Variants in ZNF721 observed in about 807,000 individuals in gnomAD.
ZNF721 encodes zinc finger protein 721.
A neutral mutation model predicts 2.4 loss-of-function variants in ZNF721; 2 were observed. The observed-to-expected ratio is 0.82, with a 90% CI of 0.34 to 2.58. ZNF721 has a LOEUF of 2.58. Among genes scored for constraint, ZNF721 ranks in the 30% most tolerant of loss-of-function variants. ZNF721 has a pLI of 0.11. For synonymous variants in ZNF721, 398 were observed against 381.8 expected (o/e 1.04, Z -0.50); for missense variants, 1,187 against 1,085.5 (o/e 1.09, Z -1.31).
At chr4:445,641 A>G (rs1660298197) in intron 2 of ZNF721, among the ~76,000 whole-genome samples, 1 of 152,224 alleles carries the variant, frequency 6.6e-6, no homozygotes, top group South Asian at 2.1e-4. Context: ...TGTAATCAGA[A>G]AAATCAGAAC....
At chr4:467,716 G>A (rs2108708294) in intron 2 of ZNF721, among the ~76,000 whole-genome samples, 1 of 152,330 alleles carries the variant, frequency 6.6e-6, no homozygotes, top group South Asian at 2.1e-4. Flanking sequence ...GACCCTGGAG[G>A]CAGGCCTGCA....
At chr4:495,823 T>G (rs1716138327) in intron 1 of ZNF721, among the ~76,000 whole-genome samples, 2 of 152,104 alleles carry the variant, frequency 1.3e-5, no homozygotes, top group Admixed American at 1.3e-4. Flanking sequence ...AGGATGGTCT[T>G]GATCTCTTGA....
chr4:475,044 G>C lies in ZNF721; in HGVS notation c.-93-2343C>G, dbSNP rs555896716. Among the ~76,000 whole-genome samples, 25 of 150,870 alleles carry C rather than the reference G, an allele frequency of 1.7e-4. No individual in the cohort carries two copies. In the East Asian group the frequency reaches 4.7e-3, roughly 29 times the overall value. On this transcript the variant is annotated intron_variant, in intron 1 of 2. Transcript: ENST00000511833. ...TCTATTCAAAATACAAAAATTAGCC[G>C]GGCGTGGTGGGGGGCGCCTGTAGTC... is the stretch of plus-strand genomic sequence containing the variant.
intron 2 of ZNF721, among the ~76,000 whole-genome samples, chr4:456,088 T>C (rs1181476041): frequency 3.3e-5 from 5 of 151,882 alleles, no homozygotes; most frequent in Admixed American, 3.3e-4. Context: ...ATTTATTTAT[T>C]GAGATGGAGT....
intron 2 of ZNF721, among the ~76,000 whole-genome samples, chr4:454,880 A>G (rs1007114676): frequency 1.3e-5 from 2 of 152,194 alleles, no homozygotes; most frequent in Non-Finnish European, 2.9e-5. Context: ...AATTGCAAAA[A>G]CAAGTTGATC....
At chr4:466,732 A>G (rs1715265251) in intron 2 of ZNF721, among the ~76,000 whole-genome samples, 1 of 152,210 alleles carries the variant, frequency 6.6e-6, no homozygotes, top group Non-Finnish European at 1.5e-5. Flanking sequence ...GAGAGTACCA[A>G]AGGCAATGGT....
At chr4:487,697 G>A (rs1377167431) in intron 1 of ZNF721, among the ~76,000 whole-genome samples, 1 of 152,092 alleles carries the variant, frequency 6.6e-6, no homozygotes, top group Non-Finnish European at 1.5e-5. Flanking sequence ...GTTTTAAGAT[G>A]GTATTGACTT....
At chr4:477,752 G>A (rs1329117274) in intron 1 of ZNF721, among the ~76,000 whole-genome samples, 2 of 152,102 alleles carry the variant, frequency 1.3e-5, no homozygotes, top group Admixed American at 6.5e-5. Context: ...GAGAGGAGGG[G>A]AAATACCTAT....
intron 2 of ZNF721, among the ~76,000 whole-genome samples, chr4:464,468 CAAAA>C (rs57645783): frequency 1.3e-5 from 1 of 78,028 alleles, no homozygotes; most frequent in Non-Finnish European, 2.6e-5. Flanking sequence ...GACTCCACCT[CAAAA>C]AAAAAAAAAA....
At position 498,222 on chromosome 4, in the gene ZNF721, A is replaced by G. The variant is rs1444228022; in HGVS notation, c.-94+834T>C. 6.6e-5 allele frequency among the ~76,000 whole-genome samples: 9 copies of G among 136,406 alleles called. No homozygotes were observed. The East Asian group carries it at 1.4e-3, about 21-fold the overall frequency. 89.5% of individuals were successfully genotyped at this position (136,406 alleles called of 152,430 possible). ...TTCATCTGAAAAGAAAAAGAAAAAA[A>G]AAAAAAAAAAAAAAAAAAGAAGGAC... On this transcript the variant is annotated intron_variant, in intron 1 of 2. Transcript: ENST00000511833.
chr4:446,153 T>C (rs1576952761), intron 2 of ZNF721, among the ~76,000 whole-genome samples: 1 of 104,306 alleles, frequency 9.6e-6, no homozygotes, highest in African/African-American at 2.6e-5. Flanking sequence ...AAACCAAACA[T>C]AATCATACGA....
chr4:495,882 G>C (rs1484650776), intron 1 of ZNF721, among the ~76,000 whole-genome samples: 1 of 152,106 alleles, frequency 6.6e-6, no homozygotes, highest in Non-Finnish European at 1.5e-5. Context: ...GATTACAGGC[G>C]TGAGCCACTG....
At chr4:495,532 T>G (rs1435836689) in intron 1 of ZNF721, among the ~76,000 whole-genome samples, 1 of 150,264 alleles carries the variant, frequency 6.7e-6, no homozygotes, top group Non-Finnish European at 1.5e-5. Flanking sequence ...ATAAATTGAG[T>G]GTGAGATCTC....
At position 466,626 on chromosome 4, in the gene ZNF721, A is replaced by G. The variant is rs543775108; in HGVS notation, c.34+5949T>C. ...TTCTTAAAATAGTTCCTGTTTCTGTAGAAATTTCATTTGTAGATTAAACTG... is the reference window on the plus strand; with the variant it reads ...TTCTTAAAATAGTTCCTGTTTCTGTGGAAATTTCATTTGTAGATTAAACTG... On this transcript the variant is annotated intron_variant, in intron 2 of 2. Transcript: ENST00000511833. Among the ~76,000 whole-genome samples, 5 of 152,350 alleles carry G rather than the reference A, an allele frequency of 3.3e-5. No homozygotes were observed. The East Asian group carries it at 9.6e-4, about 29-fold the overall frequency.
At chr4:465,251 G>A (rs570487617) in intron 2 of ZNF721, among the ~76,000 whole-genome samples, 1 of 152,236 alleles carries the variant, frequency 6.6e-6, no homozygotes, top group African/African-American at 2.4e-5. Context: ...GCTGGACCTG[G>A]TGGCGTGTAC....
chr4:462,209 G>C (rs1435561787), intron 2 of ZNF721, among the ~76,000 whole-genome samples: 2 of 152,120 alleles, frequency 1.3e-5, no homozygotes, highest in Non-Finnish European at 2.9e-5. Context: ...GGATGTAAAA[G>C]ACCTCTTCAA....
In ZNF721 at chr4:444,349, C is replaced by T. The variant is rs978701307; in HGVS notation, c.118G>A (p.Glu40Lys). The change falls in exon 3 of 3, where the codon GAG becomes AAG. Residue 40 changes from glutamate (E) to lysine (K), a missense_variant. By Grantham distance (56) the Glu-to-Lys change is moderately conservative. Coordinates refer to ENST00000511833, the MANE Select transcript of ZNF721 (RefSeq NM_133474.4). ...SFHKLILRRY[E>K]KCGHDNLQLR... ...TGTAAATTATCATGCCCACATTTCT[C>T]ATATCTTCTCAGTATAAGTTTGTGG... 1 of 1,614,038 alleles carries T rather than the reference C, an allele frequency of 6.2e-7. No homozygotes were observed.
At chr4:486,892 T>C (rs782006648) in intron 1 of ZNF721, among the ~76,000 whole-genome samples, 7 of 152,170 alleles carry the variant, frequency 4.6e-5, no homozygotes, top group Non-Finnish European at 1.0e-4. Context: ...TGAAGAGTAA[T>C]GGATGGATGG....
At position 444,245 on chromosome 4, in the gene ZNF721, T is replaced by G. The variant is rs1553863891; in HGVS notation, c.222A>C (p.Ser74=). 3.1e-6 allele frequency: 5 copies of G among 1,613,646 alleles called. No individual in the cohort carries two copies. The highest frequency in any genetic ancestry group is 4.2e-6 in the Non-Finnish European group (5 of 1,179,768). The change falls in exon 3 of 3, where the codon TCA becomes TCC. Residue 74 remains serine, a synonymous_variant. Coordinates refer to ENST00000511833, the MANE Select transcript of ZNF721 (RefSeq NM_133474.4). ...ATTGAAATATTTTGCTCTGAGTATTTGACAAGCATTTATTAATTCCATTAT... is the reference window on the plus strand; with the variant it reads ...ATTGAAATATTTTGCTCTGAGTATTGGACAAGCATTTATTAATTCCATTAT... ...GVYNGINKCL[S]NTQSKIFQCN... is the part of the protein sequence containing the mutation.
Sources: allele counts gnomAD v4.1 joint callset (sites outside exome capture counted in the v4.1 genomes callset), GRCh38; gene constraint gnomAD v4.1.1; transcripts MANE v1.5; gene names NCBI Gene and HGNC (gene_info 2026-07-23, HGNC 2026-07-21).